Variants in CTNNA3 observed in about 807,000 individuals in gnomAD.
The protein encoded by CTNNA3 is catenin alpha 3.
In CTNNA3, 76 loss-of-function variants were observed where a neutral mutation model predicts 95.7. The ratio of observed to expected loss-of-function variants is 0.79; its 90% CI spans 0.66 to 0.96. The LOEUF is 0.96. Ranked by LOEUF, CTNNA3 falls within the 40% of genes least tolerant of loss-of-function variation. CTNNA3 has a pLI of 0.00. For missense variants in CTNNA3, 1,191 were observed against 1,089.8 expected, an observed-to-expected ratio of 1.09 and a Z score of -1.31; for synonymous variants, 431 against 374.4, an observed-to-expected ratio of 1.15 and a Z score of -1.74.
At chr10:66,056,815 T>C (rs2080097488) in intron 15 of CTNNA3, among the ~76,000 whole-genome samples, 1 of 152,162 alleles carries the variant, frequency 6.6e-6, no homozygotes, top group Non-Finnish European at 1.5e-5. Context: ...GGCAGAGAGA[T>C]TAAATGTATA....
At position 65,917,302 on chromosome 10, in the gene CTNNA3, C is replaced by T. The variant is rs1417884307; in HGVS notation, c.*3028G>A. The T allele has an allele frequency of 6.6e-6, 1 of 152,110 alleles. No homozygotes were observed. Among genetic ancestry groups the T allele is most frequent in the Non-Finnish European group, 1.5e-5 (1 of 68,014 alleles). The allele number at this position is 152,110 out of a possible 1,614,324, so 9.4% of individuals were successfully genotyped here. ...TTAGTGTTTGAGTTTTTTCTTGACTCATTCAAGAACTATCCAGAAACTGAC... is the reference window on the plus strand; with the variant it reads ...TTAGTGTTTGAGTTTTTTCTTGACTTATTCAAGAACTATCCAGAAACTGAC... On this transcript the variant is annotated 3_prime_UTR_variant, in exon 18 of 18. Transcript: ENST00000433211.
intron 7 of CTNNA3, among the ~76,000 whole-genome samples, chr10:66,859,116 A>T (rs933675901): frequency 2.6e-5 from 4 of 152,126 alleles, no homozygotes; most frequent in Non-Finnish European, 4.4e-5. Flanking sequence ...ATTCAAATGT[A>T]TAATAGGGAA....
chr10:66,360,773 C>CTT lies in CTNNA3; in HGVS notation c.1732+18377_1732+18378dup, dbSNP rs2092660546. ...CTTCCTTCCTTCCTTCCTTCCTTTTCTTTCTTTCTTTCTTCCTTCCTTCCT... is the reference window on the plus strand; with the variant it reads ...CTTCCTTCCTTCCTTCCTTCCTTTTCTTTTTCTTTCTTTCTTCCTTCCTTCCT... On this transcript the variant is annotated intron_variant, in intron 12 of 17. Coordinates refer to ENST00000433211, the MANE Select transcript of CTNNA3 (RefSeq NM_013266.4). Among the ~76,000 whole-genome samples, 3 of 44,040 alleles carry CTT rather than the reference C, an allele frequency of 6.8e-5. 1 individual carries two copies. The highest frequency in any genetic ancestry group is 2.5e-4 in the Admixed American group (1 of 3,994). 28.9% of individuals were successfully genotyped at this position (44,040 alleles called of 152,430 possible).
At chr10:66,751,341 A>T (rs1286863858) in intron 9 of CTNNA3, among the ~76,000 whole-genome samples, 2 of 152,182 alleles carry the variant, frequency 1.3e-5, no homozygotes, top group East Asian at 3.8e-4. Context: ...TATATTAATC[A>T]TATATTCTGC....
chr10:66,164,217 TA>T (rs2085004490), intron 13 of CTNNA3, among the ~76,000 whole-genome samples: 4 of 152,218 alleles, frequency 2.6e-5, no homozygotes, highest in Admixed American at 2.0e-4. Flanking sequence ...CATTTTATTT[TA>T]ATTTTAAAAT....
intron 16 of CTNNA3, among the ~76,000 whole-genome samples, chr10:65,978,487 T>A (rs922693821): frequency 8.8e-5 from 9 of 102,648 alleles, no homozygotes; most frequent in Non-Finnish European, 2.2e-4. Context: ...GAGCAATTTT[T>A]TTTTTTTTAA....
At chr10:66,186,846 C>T (rs1301733473) in intron 13 of CTNNA3, among the ~76,000 whole-genome samples, 1 of 152,098 alleles carries the variant, frequency 6.6e-6, no homozygotes, top group Non-Finnish European at 1.5e-5. Context: ...AAAAGGTGAA[C>T]TTCAACTTTT....
intron 13 of CTNNA3, among the ~76,000 whole-genome samples, chr10:66,169,057 TTTG>T (rs1166992826): frequency 3.9e-5 from 6 of 152,124 alleles, no homozygotes; most frequent in Admixed American, 1.3e-4. Context: ...ATTGTCTATT[TTTG>T]TTGTTGTTGT....
intron 5 of CTNNA3, among the ~76,000 whole-genome samples, chr10:67,306,108 G>A (rs1380955198): frequency 6.6e-6 from 1 of 152,046 alleles, no homozygotes; most frequent in Non-Finnish European, 1.5e-5. Context: ...TAAAGCAGGT[G>A]CAAATTTCTC....
At chr10:67,607,510 T>C (rs1451367161) in intron 2 of CTNNA3, among the ~76,000 whole-genome samples, 1 of 151,596 alleles carries the variant, frequency 6.6e-6, no homozygotes, top group African/African-American at 2.4e-5. Context: ...GCCTTGGGGG[T>C]GTAAGAGGCA....
upstream of CTNNA3, among the ~76,000 whole-genome samples, chr10:67,697,087 T>C (rs186591460): frequency 6.6e-6 from 1 of 152,288 alleles, no homozygotes; most frequent in Admixed American, 6.5e-5. Context: ...AAAGGCAGGG[T>C]CTGGGAACTG....
In CTNNA3 at chr10:67,479,985, T is replaced by C. The variant is rs560694912; in HGVS notation, c.579+41857A>G. 7.2e-4 allele frequency among the ~76,000 whole-genome samples: 109 copies of C among 151,792 alleles called. 1 individual carries two copies. The highest frequency in any genetic ancestry group is 2.5e-3 in the African/African-American group (102 of 41,386). ...CTCAATGCACATAAACTAGAAAATC[T>C]AAAGGAAATGGATAAATTTCTGGAA... is the stretch of plus-strand genomic sequence containing the variant. On this transcript the variant is annotated intron_variant, in intron 5 of 17. Transcript: ENST00000433211.
chr10:67,068,601 T>C (rs1856238571), intron 7 of CTNNA3, among the ~76,000 whole-genome samples: 1 of 152,012 alleles, frequency 6.6e-6, no homozygotes, highest in Non-Finnish European at 1.5e-5. Flanking sequence ...TTTTAGTAAT[T>C]ATCAGAGAAA....
At chr10:66,865,161 G>C (rs1184613075) in intron 7 of CTNNA3, among the ~76,000 whole-genome samples, 2 of 151,762 alleles carry the variant, frequency 1.3e-5, no homozygotes, top group Non-Finnish European at 2.9e-5. Flanking sequence ...TTCTTTATGA[G>C]TCTAACATTT....
intron 7 of CTNNA3, among the ~76,000 whole-genome samples, chr10:67,137,311 T>A (rs1589781942): frequency 6.6e-6 from 1 of 151,834 alleles, no homozygotes; most frequent in Non-Finnish European, 1.5e-5. Context: ...TTTTCTGTAT[T>A]AAAAAAATAT....
chr10:67,215,978 ATTAT>A (rs1237218489), intron 6 of CTNNA3, among the ~76,000 whole-genome samples: 1 of 152,172 alleles, frequency 6.6e-6, no homozygotes, highest in East Asian at 1.9e-4. Context: ...CAGTTATCAG[ATTAT>A]TTATGTATAT....
rs554998095 is a variant in CTNNA3 at position 66,553,588 on chromosome 10, G to A, written c.1375-32815C>T. On this transcript the variant is annotated intron_variant, in intron 10 of 17. Transcript: ENST00000433211. The stretch of plus-strand genomic sequence containing the variant: ...GTCACCCAGGCTGGAGTGCAGTGGC[G>A]CCCATCTTGGCTCACTGCAACCTCT... Among the ~76,000 whole-genome samples the A allele has an allele frequency of 2.2e-3, 287 of 131,516 alleles. 2 individuals carry two copies. Among genetic ancestry groups the A allele is most frequent in the Middle Eastern group, 8.3e-3 (2 of 240 alleles). The allele number at this position is 131,516 out of a possible 152,430, so 86.3% of individuals were successfully genotyped here. A position where few individuals can be genotyped will look rare whatever the true frequency, so the allele number is the denominator to read the frequency against.
intron 7 of CTNNA3, among the ~76,000 whole-genome samples, chr10:66,901,314 A>C (rs139587395): frequency 0.016 from 2,428 of 152,324 alleles, 41 homozygotes; most frequent in Middle Eastern, 0.034. Context: ...TCGTTTACAG[A>C]TAAGCAAATG....
intron 5 of CTNNA3, among the ~76,000 whole-genome samples, chr10:67,499,891 T>C (rs1215583915): frequency 2.6e-5 from 4 of 152,172 alleles, no homozygotes; most frequent in African/African-American, 9.7e-5. Flanking sequence ...AACTCCTGGA[T>C]TCATTGATTT....
Sources: allele counts gnomAD v4.1 joint callset (sites outside exome capture counted in the v4.1 genomes callset), GRCh38; gene constraint gnomAD v4.1.1; transcripts MANE v1.5; gene names NCBI Gene and HGNC (gene_info 2026-07-23, HGNC 2026-07-21).